The following TBC1D20 variants were observed in gnomAD, a reference collection of about 807,000 sequenced individuals.
The protein encoded by TBC1D20 is TBC1 domain family member 20.
Under a neutral mutation model 41.6 loss-of-function variants are expected in TBC1D20, and 12 were observed. The observed-to-expected ratio is 0.29, with a 90% CI of 0.18 to 0.47. The LOEUF (loss-of-function observed/expected upper bound fraction) is 0.47. TBC1D20 is among the 20% of genes least tolerant of loss of function. The probability of loss-of-function intolerance (pLI) is 1.00; values close to 1 mark genes in which losing one functional copy is unlikely to be tolerated. For synonymous variants in TBC1D20, 205 were observed against 204.8 expected (o/e 1.00, Z -0.01); for missense variants, 421 against 517.4 (o/e 0.81, Z 1.81).
intron 1 of TBC1D20, among the ~76,000 whole-genome samples, chr20:455,549 C>T (rs1317662114): frequency 1.3e-5 from 2 of 152,066 alleles, no homozygotes; most frequent in South Asian, 4.2e-4. Context: ...ACCCGGGAGG[C>T]GGAGGTTACA....
At chr20:449,704 T>C (rs2017410682) in intron 1 of TBC1D20, among the ~76,000 whole-genome samples, 1 of 152,232 alleles carries the variant, frequency 6.6e-6, no homozygotes, top group Non-Finnish European at 1.5e-5. Context: ...ATGACTTCCC[T>C]GCTCTGGGCC....
At chr20:442,509 A>G (rs1568576107) in intron 3 of TBC1D20, among the ~76,000 whole-genome samples, 1 of 152,264 alleles carries the variant, frequency 6.6e-6, no homozygotes. Context: ...GGCTAAAGAT[A>G]TAGGACAACA....
chr20:461,452 T>C (rs535414642), intron 1 of TBC1D20, among the ~76,000 whole-genome samples: 66 of 152,330 alleles, frequency 4.3e-4, no homozygotes, highest in African/African-American at 1.5e-3. Flanking sequence ...CTCTAAGTCC[T>C]GGGCTCAAGC....
chr20:454,159 G>C (rs1600341189), intron 1 of TBC1D20, among the ~76,000 whole-genome samples: 1 of 151,132 alleles, frequency 6.6e-6, no homozygotes, highest in Non-Finnish European at 1.5e-5. Flanking sequence ...AGGAGAATGA[G>C]GTGAACCTGG....
intron 5 of TBC1D20, 110 bp from the exon 6 acceptor site, chr20:440,499 A>C: frequency 7.3e-7 from 1 of 1,375,718 alleles, no homozygotes; most frequent in Non-Finnish European, 9.8e-7. Context: ...ATTTCTGGAA[A>C]ATTCAGTTAC....
chr20:447,738 T>C (rs2017362941), intron 2 of TBC1D20, 151 bp downstream of exon 2: 1 of 508,626 alleles, frequency 2.0e-6, no homozygotes, highest in African/African-American at 2.0e-5. Context: ...TTTGGCCTTA[T>C]TTTCAGAGTG....
rs536850699 is a variant in TBC1D20, at chr20:462,097, C to G, written c.70+239G>C. Among the ~76,000 whole-genome samples the G allele has an allele frequency of 3.8e-4, 58 of 152,322 alleles. No homozygotes were observed. The South Asian group carries it at 0.012, about 31-fold the overall frequency. On this transcript the variant is annotated intron_variant, in intron 1 of 7. Transcript: ENST00000354200. ...CGCCGCCCGCTCTTCTGCCTGGGGA[C>G]GCGACTCTGCCGCCAGGCTCCCTCG...
In TBC1D20 at chr20:439,939, C is replaced by A. The variant is rs1056655619; in HGVS notation, c.768+309G>T. 7.2e-5 allele frequency among the ~76,000 whole-genome samples: 11 copies of A among 152,194 alleles called. No individual in the cohort carries two copies. The highest frequency in any genetic ancestry group is 2.7e-4 in the African/African-American group (11 of 41,440). ...CTATTTCCCTAATTGTGTTCATCAG[C>A]TGAACATATATTCCAGACAATGTCA... On this transcript the variant is annotated intron_variant, in intron 6 of 7. Transcript: ENST00000354200. The surrounding 1 kb of genome is among the most constrained non-coding windows in gnomAD (Gnocchi z 4.6).
rs141835164 is a variant in TBC1D20 at position 438,910 on chromosome 20, A to G, written c.957-69T>C. On this transcript the variant is annotated intron_variant, in intron 7 of 7. Transcript: ENST00000354200. ...GAGGAGGAAAGCAAAACTACACCACATAGGCTGCGGGCAGAGCCTTTCATT... is the reference window on the plus strand; with the variant it reads ...GAGGAGGAAAGCAAAACTACACCACGTAGGCTGCGGGCAGAGCCTTTCATT... 4.8e-5 allele frequency: 76 copies of G among 1,577,204 alleles called. No individual in the cohort carries two copies. In the African/African-American group the frequency reaches 8.8e-4, roughly 18 times the overall value.
At chr20:448,861 T>TG in intron 1 of TBC1D20, among the ~76,000 whole-genome samples, 1 of 144,800 alleles carries the variant, frequency 6.9e-6, no homozygotes, top group East Asian at 2.0e-4. Flanking sequence ...TTTTTTTTTT[T>TG]GAGACGGAGT....
chr20:450,968 C>G lies in TBC1D20; in HGVS notation c.71-2894G>C, dbSNP rs539798623. Among the ~76,000 whole-genome samples the G allele has an allele frequency of 3.9e-5, 6 of 152,258 alleles. No individual in the cohort carries two copies. In the East Asian group the frequency reaches 9.6e-4, roughly 24 times the overall value. On this transcript the variant is annotated intron_variant, in intron 1 of 7. Coordinates refer to ENST00000354200, the MANE Select transcript of TBC1D20 (RefSeq NM_144628.4). ...GCTTGTGGAAGTTAAATGGATGATG[C>G]CTGTATTTCAGTTCTTTCTAGTTGC...
At chr20:442,078 C>A in intron 3 of TBC1D20, 35 bp from the exon 4 acceptor site, 2 of 1,536,280 alleles carry the variant, frequency 1.3e-6, no homozygotes, top group South Asian at 1.2e-5. Flanking sequence ...TTGAACATAC[C>A]AAGCAGCCTA....
intron 1 of TBC1D20, among the ~76,000 whole-genome samples, chr20:448,626 T>C (rs2017382752): frequency 6.7e-6 from 1 of 148,372 alleles, no homozygotes; most frequent in Non-Finnish European, 1.5e-5. Flanking sequence ...GAGGCGGAGG[T>C]TGCAGTGAGC....
intron 3 of TBC1D20, among the ~76,000 whole-genome samples, chr20:442,395 C>G (rs1056090778): frequency 6.6e-6 from 1 of 152,220 alleles, no homozygotes; most frequent in Admixed American, 6.5e-5. Flanking sequence ...TTTCTATCAA[C>G]AGCGCACAGA....
At chr20:448,198 T>C in intron 1 of TBC1D20, 124 bp from the exon 2 acceptor site, 1 of 631,026 alleles carries the variant, frequency 1.6e-6, no homozygotes, top group East Asian at 2.7e-5. Flanking sequence ...TAAGACTGCC[T>C]GCTGGCATAA....
rs34115918 is a variant in TBC1D20, at chr20:439,131, G to T, written c.933C>A (p.Ala311=). Reference sequence around the variant, plus strand: ...ACCTCTCAGCTTGCTGTTGGGCAGCGGCCTCCCGAGCAAGTTCGGATGGGG... The same window carrying T: ...ACCTCTCAGCTTGCTGTTGGGCAGCTGCCTCCCGAGCAAGTTCGGATGGGG... The part of the protein sequence containing the change: ...QFPPSELARE[A]AAQQQAERTA... The change falls in exon 7 of 8, where the codon GCC becomes GCA. Residue 311 remains alanine, a synonymous_variant. Coordinates refer to ENST00000354200, the MANE Select transcript of TBC1D20 (RefSeq NM_144628.4). The surrounding 1 kb of genome is among the most constrained non-coding windows in gnomAD (Gnocchi z 4.6). 6.2e-7 allele frequency: 1 copy of T among 1,613,446 alleles called. No homozygotes were observed. The highest frequency in any genetic ancestry group is 8.5e-7 in the Non-Finnish European group (1 of 1,179,678).
In TBC1D20 at chr20:439,010, G is replaced by C; in HGVS notation, c.956+98C>G. On this transcript the variant is annotated intron_variant, in intron 7 of 7. Coordinates refer to ENST00000354200, the MANE Select transcript of TBC1D20 (RefSeq NM_144628.4). The surrounding 1 kb of genome is among the most constrained non-coding windows in gnomAD (Gnocchi z 4.6). The stretch of plus-strand genomic sequence containing the variant: ...CCACTGGCCTAAGCTCAGATCTCTG[G>C]AAACATGCCCCAACCCTATCCCACC... 10 of 1,492,432 alleles carry C rather than the reference G, an allele frequency of 6.7e-6. No homozygotes were observed. Among genetic ancestry groups the C allele is most frequent in the Non-Finnish European group, 8.1e-6 (9 of 1,106,562 alleles). The allele number at this position is 1,492,432 out of a possible 1,614,324, so 92.4% of individuals were successfully genotyped here. A position where few individuals can be genotyped will look rare whatever the true frequency, so the allele number is the denominator to read the frequency against.
chr20:439,246 G>A lies in TBC1D20; in HGVS notation c.818C>T (p.Ala273Val), dbSNP rs201294888. The change falls in exon 7 of 8, where the codon GCC becomes GTC. Residue 273 changes from alanine (A) to valine (V), a missense_variant. Physicochemically the swap from Ala to Val is moderately conservative, Grantham distance 64. This residue lies in a region of TBC1D20 where 161 missense variants were observed against 182.7 expected (regional missense o/e 0.88). Transcript: ENST00000354200. This position sits in a 1 kb window ranked among gnomAD's most constrained non-coding sequence, Gnocchi z 4.6. ...QEVLDCDCDM[A>V]SVHHLLSQIP... ...CTGGGACAACAGGTGGTGGACCGAG[G>A]CCATGTCACAGTCACAGTCCAGGAC... 3 of 1,614,080 alleles carry A rather than the reference G, an allele frequency of 1.9e-6. No individual in the cohort carries two copies. Among genetic ancestry groups the A allele is most frequent in the Non-Finnish European group, 2.5e-6 (3 of 1,179,956 alleles).
At chr20:457,141 G>A (rs567026001) in intron 1 of TBC1D20, among the ~76,000 whole-genome samples, 1 of 151,806 alleles carries the variant, frequency 6.6e-6, no homozygotes, top group African/African-American at 2.4e-5. Context: ...TTTCCATGTT[G>A]GTCAGGCTGG....
Sources: allele counts gnomAD v4.1 joint callset (sites outside exome capture counted in the v4.1 genomes callset), GRCh38; gene constraint gnomAD v4.1.1; regional missense constraint gnomAD v4.1.1; non-coding constraint Gnocchi (gnomAD v3.1); transcripts MANE v1.5; gene names NCBI Gene and HGNC (gene_info 2026-07-23, HGNC 2026-07-21).